Variants in STK31 observed in about 807,000 individuals in gnomAD.
STK31 encodes the protein serine/threonine kinase 31.
In STK31, 89 loss-of-function variants were observed where a neutral mutation model predicts 129.7. That is an observed-to-expected ratio of 0.69 (90% confidence interval 0.58 to 0.82). The LOEUF is 0.82. STK31 is among the 40% of genes least tolerant of loss of function. The pLI is 0.00. For synonymous variants in STK31, 448 were observed against 395.3 expected, an observed-to-expected ratio of 1.13 and a Z score of -1.58; for missense variants, 1,187 against 1,176.4, an observed-to-expected ratio of 1.01 and a Z score of -0.13.
intron 13 of STK31, among the ~76,000 whole-genome samples, chr7:23,770,084 A>G (rs1408073402): frequency 4.6e-5 from 7 of 152,220 alleles, no homozygotes; most frequent in Non-Finnish European, 8.8e-5. Flanking sequence ...CCAAATGACT[A>G]TAAGAAGAGA....
chr7:23,765,158 G>A (rs1367867245), intron 11 of STK31, among the ~76,000 whole-genome samples: 12 of 151,882 alleles, frequency 7.9e-5, no homozygotes, highest in Admixed American at 7.2e-4. Flanking sequence ...GGGTTCAAGC[G>A]ATTCTCCTGC....
intron 22 of STK31, among the ~76,000 whole-genome samples, chr7:23,809,314 C>T (rs1415521860): frequency 1.3e-5 from 2 of 152,072 alleles, no homozygotes; most frequent in Non-Finnish European, 2.9e-5. Flanking sequence ...TCCTCACAGC[C>T]ACCTCATTCT....
At chr7:23,710,543 G>A (rs1243090356) in intron 1 of STK31, 1 of 1,422,554 alleles carries the variant, frequency 7.0e-7, no homozygotes, top group Non-Finnish European at 9.2e-7. Flanking sequence ...AAAGACCTCC[G>A]GCCTGAATGA....
intron 10 of STK31, among the ~76,000 whole-genome samples, chr7:23,760,802 GC>G (rs929502179): frequency 4.6e-5 from 5 of 108,846 alleles, no homozygotes; most frequent in South Asian, 2.8e-4. Flanking sequence ...AGGACTACAG[GC>G]GGTGTACTAC....
chr7:23,752,575 A>T, intron 8 of STK31, 142 bp from the exon 9 acceptor site: 1 of 655,088 alleles, frequency 1.5e-6, no homozygotes, highest in East Asian at 2.9e-5. Context: ...TTCTGAGCTC[A>T]AACCATCTGT....
intron 15 of STK31, among the ~76,000 whole-genome samples, chr7:23,777,451 G>A (rs1391881206): frequency 6.6e-6 from 1 of 152,106 alleles, no homozygotes; most frequent in Non-Finnish European, 1.5e-5. Flanking sequence ...CACTATTATT[G>A]TGTGGGAGTC....
chr7:23,730,872 A>ATTTTTTTTTTTTT (rs1455690740), intron 6 of STK31, among the ~76,000 whole-genome samples: 1 of 56,128 alleles, frequency 1.8e-5, no homozygotes, highest in Admixed American at 3.0e-4. Flanking sequence ...ATATATATAT[A>ATTTTTTTTTTTTT]TATATATTTT....
chr7:23,802,661 CCGCCACCACACT>C (rs2128121444), intron 22 of STK31, among the ~76,000 whole-genome samples: 1 of 152,068 alleles, frequency 6.6e-6, no homozygotes, highest in East Asian at 1.9e-4. Context: ...TTATAGGCAC[CCGCCACCACACT>C]CGGCTAATTT....
chr7:23,720,740 G>A (rs1786642723), intron 4 of STK31, among the ~76,000 whole-genome samples: 2 of 152,128 alleles, frequency 1.3e-5, no homozygotes. Flanking sequence ...TAGCAGGACT[G>A]TAAAATTTCA....
chr7:23,766,512 C>CTAAAGT (rs1554290553), intron 11 of STK31, among the ~76,000 whole-genome samples: 1 of 152,174 alleles, frequency 6.6e-6, no homozygotes, highest in Non-Finnish European at 1.5e-5. Context: ...TCTTGGCCTC[C>CTAAAGT]TAAAGTGCTG....
intron 4 of STK31, chr7:23,721,510 T>C: frequency 1.0e-6 from 1 of 999,834 alleles, no homozygotes; most frequent in South Asian, 1.3e-5. Context: ...TACCCACAAA[T>C]ATGTATGTGT....
At chr7:23,710,175 A>G, upstream of STK31, 1 of 1,579,368 alleles carries the variant, frequency 6.3e-7, no homozygotes, top group East Asian at 2.3e-5. Flanking sequence ...CTAACACCGG[A>G]TGATGGCGCA....
intron 10 of STK31, 74 bp from the exon 11 acceptor site, chr7:23,762,727 C>G: frequency 9.7e-6 from 15 of 1,546,074 alleles, no homozygotes; most frequent in Non-Finnish European, 1.2e-5. Flanking sequence ...TTGGAGATCA[C>G]TTTTTTTCAT....
At chr7:23,740,830 A>AT (rs961117820) in intron 8 of STK31, among the ~76,000 whole-genome samples, 75 of 151,712 alleles carry the variant, frequency 4.9e-4, no homozygotes, top group Non-Finnish European at 9.4e-4. Flanking sequence ...TTAACTCATC[A>AT]TTTTTTTTGG....
chr7:23,762,889 A>C lies in STK31; in HGVS notation c.1382A>C (p.Glu461Ala). 7 of 1,606,054 alleles carry C rather than the reference A, an allele frequency of 4.4e-6. No homozygotes were observed. Among genetic ancestry groups the C allele is most frequent in the Non-Finnish European group, 5.9e-6 (7 of 1,176,932 alleles). Residue 461 changes from glutamate to alanine, a missense_variant, in exon 11 of 24, where the codon GAG (glutamate) becomes GCG (alanine). Transcript: ENST00000355870. ...SVEDFILEVD[E>A]SSLNKRLKTL... The stretch of plus-strand genomic sequence containing the variant: ...GAAGATTTTATTCTGGAAGTTGATG[A>C]GTCATCTCTTAATAAACGCTTAAAA...
At chr7:23,759,981 C>G (rs560504010) in intron 10 of STK31, among the ~76,000 whole-genome samples, 1 of 152,304 alleles carries the variant, frequency 6.6e-6, no homozygotes, top group South Asian at 2.1e-4. Context: ...GCATGTAAGA[C>G]TCTGCCTTAC....
At chr7:23,759,952 T>G (rs1789356049) in intron 10 of STK31, among the ~76,000 whole-genome samples, 1 of 152,186 alleles carries the variant, frequency 6.6e-6, no homozygotes, top group South Asian at 2.1e-4. Flanking sequence ...ACTTTTCTGG[T>G]CTGAGTGGTG....
chr7:23,804,995 T>G (rs1020857817), intron 22 of STK31, among the ~76,000 whole-genome samples: 3 of 152,226 alleles, frequency 2.0e-5, no homozygotes, highest in Non-Finnish European at 4.4e-5. Context: ...GTTCTTCTGT[T>G]TAGTCTTTTT....
intron 8 of STK31, among the ~76,000 whole-genome samples, chr7:23,743,973 G>A (rs1788204375): frequency 6.6e-6 from 1 of 151,814 alleles, no homozygotes; most frequent in Non-Finnish European, 1.5e-5. Context: ...AGGATAGAGT[G>A]CAGTGGCACA....
Sources: allele counts gnomAD v4.1 joint callset (sites outside exome capture counted in the v4.1 genomes callset), GRCh38; gene constraint gnomAD v4.1.1; transcripts MANE v1.5; gene names NCBI Gene and HGNC (gene_info 2026-07-23, HGNC 2026-07-21).